Variants in GAK observed in about 807,000 individuals in gnomAD.
GAK encodes the protein cyclin G associated kinase, also known as cyclin-G-associated kinase.
In GAK, 79 loss-of-function variants were observed where a neutral mutation model predicts 143.9. The observed-to-expected ratio is 0.55, with a 90% CI of 0.46 to 0.66. The LOEUF (loss-of-function observed/expected upper bound fraction) is 0.66. Ranked by LOEUF, GAK falls within the 30% of genes least tolerant of loss-of-function variation. GAK has a pLI of 0.00. For missense variants in GAK, 1,693 were observed against 1,779.7 expected, an observed-to-expected ratio of 0.95 and a Z score of 0.88; for synonymous variants, 881 against 765.5, an observed-to-expected ratio of 1.15 and a Z score of -2.49.
intron 19 of GAK, 192 bp from the exon 20 acceptor site, chr4:868,877 C>G (rs1711662931): frequency 1.6e-6 from 1 of 608,626 alleles, no homozygotes; most frequent in South Asian, 2.0e-5. Flanking sequence ...GGATGCCACT[C>G]TGGGCCATGC....
intron 15 of GAK, 79 bp downstream of exon 15, chr4:881,828 C>CA (rs758483297): frequency 1.0e-4 from 151 of 1,469,812 alleles, no homozygotes; most frequent in Non-Finnish European, 1.4e-4. Context: ...ACTGGCCCTC[C>CA]AGGAGACACC....
At chr4:882,175 A>T (rs541912845) in intron 14 of GAK, 135 bp from the exon 15 acceptor site, 1 of 985,944 alleles carries the variant, frequency 1.0e-6, no homozygotes, top group East Asian at 2.6e-5. Context: ...GGATATGTTT[A>T]GGGAGCTACA....
intron 10 of GAK, 48 bp downstream of exon 10, chr4:890,481 GGGT>G: frequency 7.1e-7 from 1 of 1,405,016 alleles, no homozygotes; most frequent in African/African-American, 1.4e-5. Context: ...CGGGTGCCCG[GGGT>G]GCAGCAGGAG....
At position 898,465 on chromosome 4, in the gene GAK, T is replaced by C. The variant is rs186294915; in HGVS notation, c.526-307A>G. Among the ~76,000 whole-genome samples the C allele has an allele frequency of 1.7e-3, 259 of 152,366 alleles. 3 individuals carry two copies. The highest frequency in any genetic ancestry group is 6.1e-3 in the African/African-American group (254 of 41,600). ...AGTAAATGAGCCTTCCTCAAAGATG[T>C]CTTAAATTACTTCTGATCAAATGTA... On this transcript the variant is annotated intron_variant, in intron 5 of 27. Transcript: ENST00000314167.
At chr4:924,067 C>T (rs978918218) in intron 1 of GAK, among the ~76,000 whole-genome samples, 1 of 151,728 alleles carries the variant, frequency 6.6e-6, no homozygotes, top group African/African-American at 2.4e-5. Context: ...TGCCTTTAAT[C>T]CCAGCTAGTT....
At chr4:850,810 ACAG>A (rs1186400748) in intron 26 of GAK, 123 bp downstream of exon 26, 34 of 1,062,388 alleles carry the variant, frequency 3.2e-5, no homozygotes, top group Non-Finnish European at 4.3e-5. Flanking sequence ...TCCATGTGGT[ACAG>A]CAGATGCTCC....
rs1472387088 is a variant in GAK, at chr4:865,032, G to A, written c.3166+90C>T. ...GCCCTTCCTTCCTTCTCTGCGCAGA[G>A]AGGGCCCTGTTACAGGTACGTGTGA... On this transcript the variant is annotated intron_variant, in intron 23 of 27. Coordinates refer to ENST00000314167, the MANE Select transcript of GAK (RefSeq NM_005255.4). 3 of 1,505,576 alleles carry A rather than the reference G, an allele frequency of 2.0e-6. No homozygotes were observed. The African/African-American group carries it at 4.1e-5, about 21-fold the overall frequency. 93.3% of individuals were successfully genotyped at this position (1,505,576 alleles called of 1,614,324 possible).
chr4:859,693 C>T lies in GAK; in HGVS notation c.3196G>A (p.Ala1066Thr), dbSNP rs1212964339. 34 of 1,598,800 alleles carry T rather than the reference C, an allele frequency of 2.1e-5. No individual in the cohort carries two copies. The highest frequency in any genetic ancestry group is 2.7e-5 in the Non-Finnish European group (32 of 1,167,566). The change falls in exon 24 of 28, where the codon GCC becomes ACC. Residue 1066 changes from alanine to threonine, a missense_variant. Coordinates refer to ENST00000314167, the MANE Select transcript of GAK (RefSeq NM_005255.4). ...GPLFSPGGQP[A>T]PCGSQASWTK... ...CAGCTGGCCTGAGAGCCACAAGGGG[C>T]CGGCTGACCTCCAGGAGAGAAGAGG...
chr4:892,155 C>G lies in GAK; in HGVS notation c.990+1222G>C, dbSNP rs1401734752. 2.6e-5 allele frequency among the ~76,000 whole-genome samples: 4 copies of G among 152,222 alleles called. 1 individual carries two copies. The highest frequency in any genetic ancestry group is 5.9e-5 in the Non-Finnish European group (4 of 68,038). On this transcript the variant is annotated intron_variant, in intron 9 of 27. Transcript: ENST00000314167. The stretch of plus-strand genomic sequence containing the variant: ...GTCCTCAGACAGGGACTCCGGGCAG[C>G]AGCTCTGACCTTCTCCCCACGCTCC...
chr4:912,006 G>A (rs550206482), intron 3 of GAK: 31 of 512,132 alleles, frequency 6.1e-5, no homozygotes, highest in South Asian at 4.4e-4. Context: ...CGGGGACAAA[G>A]GCAGGCACAC....
At chr4:864,414 C>T (rs904438050) in intron 23 of GAK, among the ~76,000 whole-genome samples, 1 of 152,176 alleles carries the variant, frequency 6.6e-6, no homozygotes, top group African/African-American at 2.4e-5. Flanking sequence ...AACTCTTATG[C>T]TTACTGGGAA....
At chr4:899,028 C>A (rs950191215) in intron 5 of GAK, among the ~76,000 whole-genome samples, 1 of 152,228 alleles carries the variant, frequency 6.6e-6, no homozygotes, top group Non-Finnish European at 1.5e-5. Context: ...AGAGGCTGCA[C>A]GCGTGACAAG....
At chr4:883,591 C>T (rs1210207655) in intron 12 of GAK, 128 bp from the exon 13 acceptor site, 3 of 1,063,114 alleles carry the variant, frequency 2.8e-6, no homozygotes, top group Non-Finnish European at 2.8e-6. Flanking sequence ...AGCCACTGCC[C>T]ACACAGCCGG....
In GAK at chr4:851,000, G is replaced by A. The variant is rs779077568; in HGVS notation, c.3593C>T (p.Pro1198Leu). Residue 1198 changes from proline (P) to leucine (L), a missense_variant, in exon 26 of 28, where the codon CCA becomes CTA. Around this residue, in one of 2 missense-constraint regions of GAK, gnomAD observed 822 missense variants for 788.7 expected, o/e 1.04. Transcript: ENST00000314167. ...GFSSRSDKKG[P>L]KTIAEMRKQD... is the part of the protein sequence containing the mutation. The stretch of plus-strand genomic sequence containing the variant: ...CTTCCTCATCTCTGCAATGGTCTTT[G>A]GCCCTTTCTTGTCAGACCTGGAGGA... The A allele has an allele frequency of 3.7e-6, 6 of 1,613,970 alleles. No individual in the cohort carries two copies. In the Admixed American group the frequency reaches 1.0e-4, roughly 27 times the overall value.
At chr4:912,900 TC>T in intron 2 of GAK, 106 bp from the exon 3 acceptor site, 2 of 862,908 alleles carry the variant, frequency 2.3e-6, no homozygotes, top group Non-Finnish European at 3.6e-6. Flanking sequence ...ATGCAATGTG[TC>T]TAATACAGCT....
chr4:876,094 A>C (rs1713805157), intron 18 of GAK, among the ~76,000 whole-genome samples: 1 of 152,194 alleles, frequency 6.6e-6, no homozygotes, highest in Admixed American at 6.5e-5. Flanking sequence ...GGTGCTGGGC[A>C]TGGCAGGGGT....
rs1339064101 is a variant in GAK, at chr4:893,743, T to C, written c.877+131A>G. 4 of 1,140,438 alleles carry C rather than the reference T, an allele frequency of 3.5e-6. No homozygotes were observed. The Admixed American group carries it at 9.7e-5, about 28-fold the overall frequency. The allele number at this position is 1,140,438 out of a possible 1,614,324, so 70.6% of individuals were successfully genotyped here. On this transcript the variant is annotated intron_variant, in intron 8 of 27. Transcript: ENST00000314167. ...TCTGGAAACCCCCCCCCCAGGGATG[T>C]TGTCAAAACTATGGTGACGGGCGGG... is the stretch of plus-strand genomic sequence containing the variant.
At chr4:863,388 A>G (rs1043188762) in intron 23 of GAK, among the ~76,000 whole-genome samples, 4 of 152,240 alleles carry the variant, frequency 2.6e-5, no homozygotes, top group African/African-American at 9.6e-5. Flanking sequence ...AATGAGGCCA[A>G]GGGTTTAGAA....
At chr4:869,566 A>AG (rs1711978385) in intron 19 of GAK, 1 of 82,626 alleles carries the variant, frequency 1.2e-5, no homozygotes, top group Non-Finnish European at 2.5e-5. Flanking sequence ...GAATGCACAC[A>AG]CACAGATGCA....
Sources: allele counts gnomAD v4.1 joint callset (sites outside exome capture counted in the v4.1 genomes callset), GRCh38; gene constraint gnomAD v4.1.1; regional missense constraint gnomAD v4.1.1; transcripts MANE v1.5; gene names NCBI Gene and HGNC (gene_info 2026-07-23, HGNC 2026-07-21).